The following HPSE2 variants were observed in gnomAD, a reference collection of about 807,000 sequenced individuals.
HPSE2 encodes inactive heparanase-2.
In HPSE2, 38 loss-of-function variants were observed where a neutral mutation model predicts 60.5. The ratio of observed to expected loss-of-function variants is 0.63; its 90% CI spans 0.48 to 0.82. The LOEUF (loss-of-function observed/expected upper bound fraction) is 0.82, where lower values mean the gene tolerates loss of function less well. Among genes scored for constraint, HPSE2 ranks in the 40% least tolerant of loss-of-function variants. HPSE2 has a pLI of 0.00. For synonymous variants in HPSE2, 295 were observed against 293.2 expected, an observed-to-expected ratio of 1.01 and a Z score of -0.06; for missense variants, 713 against 740.4, an observed-to-expected ratio of 0.96 and a Z score of 0.43.
chr10:98,584,515 C>T (rs569636239), intron 9 of HPSE2, among the ~76,000 whole-genome samples: 24 of 152,250 alleles, frequency 1.6e-4, no homozygotes, highest in African/African-American at 4.8e-4. Context: ...CCTGAAAAAT[C>T]CATCAACCCC....
chr10:98,617,941 GT>G (rs373711462), intron 8 of HPSE2, among the ~76,000 whole-genome samples: 52 of 152,216 alleles, frequency 3.4e-4, no homozygotes, highest in African/African-American at 1.2e-3. Flanking sequence ...TGAACTCAGA[GT>G]TACGTGATAT....
At chr10:98,705,941 A>G (rs946651869) in intron 5 of HPSE2, among the ~76,000 whole-genome samples, 3 of 152,188 alleles carry the variant, frequency 2.0e-5, no homozygotes, top group African/African-American at 7.2e-5. Context: ...CAAAAGAAAT[A>G]TTTTATGTGA....
At chr10:98,554,378 T>C (rs1943945637) in intron 9 of HPSE2, among the ~76,000 whole-genome samples, 1 of 152,246 alleles carries the variant, frequency 6.6e-6, no homozygotes, top group Admixed American at 6.5e-5. Context: ...ACGTCCTTCA[T>C]GAAGTCTCTC....
chr10:98,862,121 C>T (rs1229371078), intron 3 of HPSE2, among the ~76,000 whole-genome samples: 2 of 152,160 alleles, frequency 1.3e-5, no homozygotes, highest in Non-Finnish European at 2.9e-5. Flanking sequence ...AACCAAAGCT[C>T]AGATAGATAT....
intron 2 of HPSE2, among the ~76,000 whole-genome samples, chr10:99,170,529 T>C (rs1330573290): frequency 6.6e-6 from 1 of 152,206 alleles, no homozygotes; most frequent in Non-Finnish European, 1.5e-5. Context: ...ATATGCTAAA[T>C]ATTTCTAAGG....
rs192789109 is a variant in HPSE2 at position 98,579,529 on chromosome 10, C to T, written c.1320+35375G>A. Among the ~76,000 whole-genome samples, 99 of 152,254 alleles carry T rather than the reference C, an allele frequency of 6.5e-4. 1 individual carries two copies. Among genetic ancestry groups the T allele is most frequent in the Non-Finnish European group, 1.1e-3 (73 of 68,008 alleles). Reference sequence around the variant, plus strand: ...TTTCAGGGAGCCGGCAGGCACTCAACTCCACTTTGTAAGAGGAGGTCATTA... The same window carrying T: ...TTTCAGGGAGCCGGCAGGCACTCAATTCCACTTTGTAAGAGGAGGTCATTA... On this transcript the variant is annotated intron_variant, in intron 9 of 11. Coordinates refer to ENST00000370552, the MANE Select transcript of HPSE2 (RefSeq NM_021828.5).
At chr10:98,622,994 A>T (rs1946114149) in intron 7 of HPSE2, among the ~76,000 whole-genome samples, 1 of 152,198 alleles carries the variant, frequency 6.6e-6, no homozygotes, top group Admixed American at 6.5e-5. Context: ...TGTGTACATG[A>T]TAAACTATGC....
At chr10:98,554,003 C>CT (rs1943934491) in intron 9 of HPSE2, among the ~76,000 whole-genome samples, 1 of 152,152 alleles carries the variant, frequency 6.6e-6, no homozygotes, top group Non-Finnish European at 1.5e-5. Context: ...TCCAAGGGTA[C>CT]TTTGAGTACT....
intron 2 of HPSE2, among the ~76,000 whole-genome samples, chr10:99,148,010 CT>C (rs1782023711): frequency 6.6e-6 from 1 of 152,172 alleles, no homozygotes; most frequent in African/African-American, 2.4e-5. Context: ...TACTTAAGAT[CT>C]TACTAAGATT....
intron 3 of HPSE2, among the ~76,000 whole-genome samples, chr10:99,082,168 C>T (rs4462267): frequency 0.16 from 24,515 of 152,106 alleles, 2,403 homozygotes; most frequent in Admixed American, 0.24. Context: ...AGGGTAGGGG[C>T]CTGCTACATG....
chr10:98,512,206 T>C (rs1942430759), intron 9 of HPSE2, among the ~76,000 whole-genome samples: 2 of 152,228 alleles, frequency 1.3e-5, no homozygotes. Context: ...TTTGGAAATT[T>C]TGAAAGCTAC....
rs1300062037 is a variant in HPSE2 at position 98,937,321 on chromosome 10, C to T, written c.611-193265G>A. On this transcript the variant is annotated intron_variant, in intron 3 of 11. Transcript: ENST00000370552. ...AGGAAGTGCAAGGAGTCGGGGAGTT[C>T]CCTTTCCTAGTCAAAGAAAGGGGTG... 1.6e-4 allele frequency among the ~76,000 whole-genome samples: 23 copies of T among 144,560 alleles called. 3 individuals carry two copies. The highest frequency in any genetic ancestry group is 3.4e-4 in the Non-Finnish European group (23 of 67,244). The allele number at this position is 144,560 out of a possible 152,430, so 94.8% of individuals were successfully genotyped here. A position where few individuals can be genotyped will look rare whatever the true frequency, so the allele number is the denominator to read the frequency against.
intron 3 of HPSE2, among the ~76,000 whole-genome samples, chr10:98,816,119 G>A (rs1178607161): frequency 6.6e-6 from 1 of 151,246 alleles, no homozygotes; most frequent in Admixed American, 6.6e-5. Context: ...CATGGCACAC[G>A]TATACATATG....
At chr10:99,291,670 C>G in the HPSE2 span, among the ~76,000 whole-genome samples, 2 of 150,486 alleles carry the variant, frequency 1.3e-5, no homozygotes, top group Non-Finnish European at 3.0e-5. Context: ...CTCGTTTTTT[C>G]TTTCTGATGA....
intron 2 of HPSE2, among the ~76,000 whole-genome samples, chr10:99,193,688 A>G (rs1848298578): frequency 6.6e-6 from 1 of 152,126 alleles, no homozygotes; most frequent in African/African-American, 2.4e-5. Context: ...AGAGAAACCA[A>G]AAAGGTCATC....
chr10:98,674,929 A>G (rs1947598455), intron 6 of HPSE2, among the ~76,000 whole-genome samples: 1 of 152,188 alleles, frequency 6.6e-6, no homozygotes, highest in Non-Finnish European at 1.5e-5. Flanking sequence ...AAATTCAAAG[A>G]GGCACCACTA....
intron 3 of HPSE2, among the ~76,000 whole-genome samples, chr10:99,044,620 T>G (rs1468358610): frequency 6.6e-6 from 1 of 152,050 alleles, no homozygotes; most frequent in Non-Finnish European, 1.5e-5. Flanking sequence ...CCATCTCACA[T>G]GTAACAACAC....
chr10:99,258,380 T>C, the HPSE2 span, among the ~76,000 whole-genome samples: 5 of 151,146 alleles, frequency 3.3e-5, no homozygotes, highest in African/African-American at 4.9e-5. Context: ...AAAATCTAAC[T>C]AAATGGAGTA....
At chr10:99,214,640 A>T (rs533838641) in intron 2 of HPSE2, among the ~76,000 whole-genome samples, 1 of 152,304 alleles carries the variant, frequency 6.6e-6, no homozygotes, top group East Asian at 1.9e-4. Context: ...AGAAACTATC[A>T]TCAGGGTGAA....
Sources: allele counts gnomAD v4.1 joint callset (sites outside exome capture counted in the v4.1 genomes callset), GRCh38; gene constraint gnomAD v4.1.1; transcripts MANE v1.5; gene names NCBI Gene and HGNC (gene_info 2026-07-23, HGNC 2026-07-21).